Variants in CHN2 observed in about 807,000 individuals in gnomAD.
CHN2 encodes beta-chimaerin.
Under a neutral mutation model 56.3 loss-of-function variants are expected in CHN2, and 35 were observed. The ratio of observed to expected loss-of-function variants is 0.62; its 90% CI spans 0.47 to 0.82. The LOEUF is 0.82. Ranked by LOEUF, CHN2 falls within the 40% of genes least tolerant of loss-of-function variation. The probability of loss-of-function intolerance (pLI) is 0.00; values close to 1 mark genes in which losing one functional copy is unlikely to be tolerated. For missense variants in CHN2, 491 were observed against 580.5 expected (o/e 0.85, Z 1.58); for synonymous variants, 210 against 212.8 (o/e 0.99, Z 0.12).
At chr7:29,477,962 A>G (rs3812327) in intron 6 of CHN2, among the ~76,000 whole-genome samples, 15,360 of 152,282 alleles carry the variant, frequency 0.1, 1,026 homozygotes, top group East Asian at 0.23. Context: ...AAACAAAAGC[A>G]AATTAAGCAT....
intron 1 of CHN2, among the ~76,000 whole-genome samples, chr7:29,206,358 T>A (rs1184903316): frequency 2.0e-5 from 3 of 152,168 alleles, no homozygotes; most frequent in Non-Finnish European, 4.4e-5. Context: ...CTTAGCTCAC[T>A]GCACCCTGCG....
At chr7:29,243,787 C>G (rs1787866826) in intron 1 of CHN2, among the ~76,000 whole-genome samples, 1 of 152,140 alleles carries the variant, frequency 6.6e-6, no homozygotes, top group Non-Finnish European at 1.5e-5. Flanking sequence ...AGCGTTCTTG[C>G]CAGTATATCC....
At chr7:29,323,110 G>A (rs984752592) in intron 1 of CHN2, among the ~76,000 whole-genome samples, 4 of 152,232 alleles carry the variant, frequency 2.6e-5, no homozygotes, top group African/African-American at 4.8e-5. Context: ...AGCCAAGATC[G>A]TGCCACTGCA....
At chr7:29,443,184 C>T (rs1181152070) in intron 6 of CHN2, among the ~76,000 whole-genome samples, 1 of 151,978 alleles carries the variant, frequency 6.6e-6, no homozygotes, top group Non-Finnish European at 1.5e-5. Flanking sequence ...TCATGATCCA[C>T]CCGCCTCGGC....
At chr7:29,434,284 A>G (rs1783062058) in intron 6 of CHN2, among the ~76,000 whole-genome samples, 1 of 152,136 alleles carries the variant, frequency 6.6e-6, no homozygotes, top group Non-Finnish European at 1.5e-5. Flanking sequence ...GTAACCCACC[A>G]TGTTCTCTGC....
Position 29,381,005 on chromosome 7 carries a change from A to C in CHN2, c.145-12674A>C. On this transcript the variant is annotated intron_variant, in intron 3 of 12. Coordinates refer to ENST00000222792, the MANE Select transcript of CHN2 (RefSeq NM_004067.4). Reference sequence around the variant, plus strand: ...AGAATATTCTCAGATTCTCATTTGCACTGAAGACCAAAAGAAAGGAAGATG... The same window carrying C: ...AGAATATTCTCAGATTCTCATTTGCCCTGAAGACCAAAAGAAAGGAAGATG... Among the ~76,000 whole-genome samples, 3 of 152,196 alleles carry C rather than the reference A, an allele frequency of 2.0e-5. No homozygotes were observed. In the South Asian group the frequency reaches 6.2e-4, roughly 32 times the overall value.
At chr7:29,506,909 T>C (rs2128590296) in intron 10 of CHN2, among the ~76,000 whole-genome samples, 1 of 152,316 alleles carries the variant, frequency 6.6e-6, no homozygotes, top group African/African-American at 2.4e-5. Context: ...AGATTGTCAT[T>C]TTATTATGAA....
intron 6 of CHN2, among the ~76,000 whole-genome samples, chr7:29,433,177 G>T (rs1450503985): frequency 6.6e-6 from 1 of 151,804 alleles, no homozygotes; most frequent in African/African-American, 2.4e-5. Flanking sequence ...ATTTTTTTTT[G>T]TTACACTTTG....
At chr7:29,287,179 G>A (rs1562891171) in intron 1 of CHN2, among the ~76,000 whole-genome samples, 1 of 152,166 alleles carries the variant, frequency 6.6e-6, no homozygotes, top group Non-Finnish European at 1.5e-5. Flanking sequence ...AGGGCAGAGA[G>A]ACTTTTGCTG....
At chr7:29,250,711 C>CT (rs529820110) in intron 1 of CHN2, among the ~76,000 whole-genome samples, 1,834 of 110,190 alleles carry the variant, frequency 0.017, 19 homozygotes, top group Non-Finnish European at 0.026. Context: ...TGAACTTCTT[C>CT]TTTTTTTTTT....
At chr7:29,451,020 C>T (rs751007238) in intron 6 of CHN2, among the ~76,000 whole-genome samples, 2 of 152,156 alleles carry the variant, frequency 1.3e-5, no homozygotes, top group Admixed American at 6.5e-5. Flanking sequence ...CTACCCACCT[C>T]GGCCTCCCAA....
intron 6 of CHN2, chr7:29,479,598 G>T: frequency 1.1e-6 from 1 of 891,238 alleles, no homozygotes; most frequent in Non-Finnish European, 1.4e-6. Context: ...AGTCATCAGG[G>T]TTTAAAGGTT....
At chr7:29,291,078 T>C (rs986862948) in intron 1 of CHN2, among the ~76,000 whole-genome samples, 5 of 152,144 alleles carry the variant, frequency 3.3e-5, no homozygotes, top group African/African-American at 1.2e-4. Context: ...GGGCCACAGG[T>C]GCAGTGTGTT....
At chr7:29,161,465 T>C (rs1171133477) in intron 2 of CHN2, among the ~76,000 whole-genome samples, 1 of 152,126 alleles carries the variant, frequency 6.6e-6, no homozygotes, top group Non-Finnish European at 1.5e-5. Flanking sequence ...TCTACTTATC[T>C]CGAACCCCAC....
rs1791801682 is a variant in CHN2, at chr7:29,514,094, A to T, written c.*1359A>T. 6.6e-6 allele frequency: 1 copy of T among 152,666 alleles called. No individual in the cohort carries two copies. Among genetic ancestry groups the T allele is most frequent in the Non-Finnish European group, 1.5e-5 (1 of 68,046 alleles). 9.5% of individuals were successfully genotyped at this position (152,666 alleles called of 1,614,324 possible). The stretch of plus-strand genomic sequence containing the variant: ...TCATTGTGTGACTGTTGACCTGGAC[A>T]GTCCCAAGGGCTATGCAGATGGACT... On this transcript the variant is annotated 3_prime_UTR_variant, in exon 13 of 13. Transcript: ENST00000222792.
Position 29,513,342 on chromosome 7 carries a change from C to T in CHN2, c.*607C>T, listed in dbSNP as rs1791705314. ...TCAGTGCTTTTTAATGAAATTTCAC[C>T]TGCCCCTTGTGTTCCTGCTTTGGAT... On this transcript the variant is annotated 3_prime_UTR_variant, in exon 13 of 13. Transcript: ENST00000222792. 1 of 152,630 alleles carries T rather than the reference C, an allele frequency of 6.6e-6. No individual in the cohort carries two copies. The highest frequency in any genetic ancestry group is 1.9e-4 in the East Asian group (1 of 5,192). The allele number at this position is 152,630 out of a possible 1,614,324, so 9.5% of individuals were successfully genotyped here.
At chr7:29,493,059 A>T (rs1788833213) in intron 7 of CHN2, among the ~76,000 whole-genome samples, 1 of 152,216 alleles carries the variant, frequency 6.6e-6, no homozygotes, top group African/African-American at 2.4e-5. Flanking sequence ...TATCATGGTG[A>T]ACCCATAAGA....
intron 2 of CHN2, among the ~76,000 whole-genome samples, chr7:29,165,589 A>G (rs986030783): frequency 2.0e-5 from 3 of 152,174 alleles, no homozygotes. Flanking sequence ...CTTTGTTACA[A>G]TGACAAGTAG....
chr7:29,248,056 G>A lies in CHN2; in HGVS notation c.49+53066G>A, dbSNP rs925282839. Among the ~76,000 whole-genome samples, 4 of 152,222 alleles carry A rather than the reference G, an allele frequency of 2.6e-5. No homozygotes were observed. The East Asian group carries it at 7.7e-4, about 29-fold the overall frequency. On this transcript the variant is annotated intron_variant, in intron 1 of 12. Transcript: ENST00000222792. ...GCTGGCAGTGGGTTTGAGGAGGGCT[G>A]GAGGGCGTCTGGGGCTTGGAAAGTA...
Sources: gnomAD v4.1 joint callset for allele counts (sites outside exome capture counted in the v4.1 genomes callset) on GRCh38, gnomAD v4.1.1 for gene constraint, MANE v1.5 for transcripts, NCBI Gene and HGNC (gene_info 2026-07-23, HGNC 2026-07-21) for gene names.